ZBTB7A: variants seen among roughly 807,000 people sequenced by gnomAD.
The protein encoded by ZBTB7A is zinc finger and BTB domain-containing protein 7A.
Under a neutral mutation model 26.7 loss-of-function variants are expected in ZBTB7A, and 7 were observed. That is an observed-to-expected ratio of 0.26 (90% CI 0.15 to 0.49). ZBTB7A has a LOEUF of 0.49. Among genes scored for constraint, ZBTB7A ranks in the 20% least tolerant of loss-of-function variants. ZBTB7A has a pLI of 0.98. For synonymous variants in ZBTB7A, 452 were observed against 441.0 expected, an observed-to-expected ratio of 1.02 and a Z score of -0.31; for missense variants, 617 against 919.5, an observed-to-expected ratio of 0.67 and a Z score of 4.25.
chr19:4,059,886 A>G (rs916382431), intron 1 of ZBTB7A, among the ~76,000 whole-genome samples: 7 of 152,138 alleles, frequency 4.6e-5, no homozygotes, highest in African/African-American at 1.7e-4. Context: ...AGTCTTGGCA[A>G]TAAAAAGTCC....
At position 4,044,498 on chromosome 19, in the gene ZBTB7A, G is replaced by C. The variant is rs911905087; in HGVS notation, c.*3254C>G. ...TCTCTCTCCTGGGCCCGGCAGGCTGGGGGGCACTGCAGACGGGGGCTCCGG... is the reference window on the plus strand; with the variant it reads ...TCTCTCTCCTGGGCCCGGCAGGCTGCGGGGCACTGCAGACGGGGGCTCCGG... On this transcript the variant is annotated 3_prime_UTR_variant, in exon 3 of 3. Transcript: ENST00000322357. The C allele has an allele frequency of 9.9e-5, 15 of 151,258 alleles. No homozygotes were observed. The East Asian group carries it at 1.9e-3, about 20-fold the overall frequency. 9.4% of individuals were successfully genotyped at this position (151,258 alleles called of 1,614,324 possible). A position where few individuals can be genotyped will look rare whatever the true frequency, so the allele number is the denominator to read the frequency against.
intron 1 of ZBTB7A, chr19:4,061,500 C>T (rs1246867612): frequency 3.3e-5 from 5 of 152,230 alleles, no homozygotes; most frequent in Non-Finnish European, 5.9e-5. Flanking sequence ...TGCAGTGTCC[C>T]GATCGGGGGG....
chr19:4,063,718 A>G (rs2040662582), intron 1 of ZBTB7A, among the ~76,000 whole-genome samples: 1 of 152,196 alleles, frequency 6.6e-6, no homozygotes, highest in African/African-American at 2.4e-5. Context: ...GGGCCACCAC[A>G]CAGTGGGAGG....
rs2040382034 is a variant in ZBTB7A at position 4,044,092 on chromosome 19, C to G, written c.*3660G>C. Among the ~76,000 whole-genome samples the G allele has an allele frequency of 2.0e-5, 3 of 152,060 alleles. No homozygotes were observed. The South Asian group carries it at 6.2e-4, about 32-fold the overall frequency. ...TGTCACCACCTGTGAGGTGACCGCT[C>G]CTGCCACGGCCCCGGGGTCTGAATC... On this transcript the variant is annotated 3_prime_UTR_variant, in exon 3 of 3. Coordinates refer to ENST00000322357, the MANE Select transcript of ZBTB7A (RefSeq NM_015898.4).
At position 4,054,655 on chromosome 19, in the gene ZBTB7A, T is replaced by C; in HGVS notation, c.578A>G (p.Asp193Gly). ...GGCCTCCTTGGTGGCATCCAGGTCA[T>C]CATCGGACGCCCCAAAGGCGGACCA... The part of the protein sequence containing the change: ...FPWSAFGASD[D>G]DLDATKEAVA... Residue 193 changes from aspartate (D) to glycine (G), a missense_variant, in exon 2 of 3, where the codon GAT becomes GGT. Around this residue, in one of 5 missense-constraint regions of ZBTB7A, gnomAD observed 331 missense variants for 391.3 expected, o/e 0.85. Coordinates refer to ENST00000322357, the MANE Select transcript of ZBTB7A (RefSeq NM_015898.4). 4.4e-6 allele frequency: 7 copies of C among 1,598,122 alleles called. No homozygotes were observed. The highest frequency in any genetic ancestry group is 6.0e-6 in the Non-Finnish European group (7 of 1,173,288).
intron 1 of ZBTB7A, among the ~76,000 whole-genome samples, chr19:4,060,194 C>T (rs563131115): frequency 6.6e-6 from 1 of 152,154 alleles, no homozygotes; most frequent in Non-Finnish European, 1.5e-5. Flanking sequence ...TCCCCCCGGG[C>T]CACTCCCAGG....
chr19:4,046,061 T>G lies in ZBTB7A; in HGVS notation c.*1691A>C, dbSNP rs992556288. The G allele has an allele frequency of 9.8e-5, 39 of 398,562 alleles. No homozygotes were observed. The highest frequency in any genetic ancestry group is 1.7e-4 in the Non-Finnish European group (38 of 226,096). The allele number at this position is 398,562 out of a possible 1,614,324, so 24.7% of individuals were successfully genotyped here. A position where few individuals can be genotyped will look rare whatever the true frequency, so the allele number is the denominator to read the frequency against. ...GGGTGCCGGATGGGGATCGGGGTGC[T>G]CCGGCTGGAAGGCCCATCCCTGAGC... On this transcript the variant is annotated 3_prime_UTR_variant, in exon 3 of 3. Coordinates refer to ENST00000322357, the MANE Select transcript of ZBTB7A (RefSeq NM_015898.4).
intron 1 of ZBTB7A, among the ~76,000 whole-genome samples, chr19:4,066,167 C>T (rs2040694252): frequency 9.3e-6 from 1 of 107,796 alleles, no homozygotes; most frequent in Non-Finnish European, 1.9e-5. Context: ...CCCCTCCTTT[C>T]CGAAGCCCCC....
At chr19:4,055,364 A>G in intron 1 of ZBTB7A, 117 bp from the exon 2 acceptor site, 1 of 1,398,438 alleles carries the variant, frequency 7.2e-7, no homozygotes, top group Non-Finnish European at 9.2e-7. Flanking sequence ...CCCCAGCCTC[A>G]CATTCCCACC....
At chr19:4,057,167 G>A (rs1487630308) in intron 1 of ZBTB7A, among the ~76,000 whole-genome samples, 2 of 149,806 alleles carry the variant, frequency 1.3e-5, no homozygotes, top group Non-Finnish European at 3.0e-5. Flanking sequence ...TGACCAACAT[G>A]GTGAAATCTC....
chr19:4,059,438 C>T (rs536831421), intron 1 of ZBTB7A, among the ~76,000 whole-genome samples: 7 of 152,282 alleles, frequency 4.6e-5, no homozygotes, highest in African/African-American at 1.7e-4. Flanking sequence ...CCCCTGTTCC[C>T]CCCTAAATAT....
In ZBTB7A at chr19:4,052,230, G is replaced by A. The variant is rs1373856851; in HGVS notation, c.1262+1741C>T. 6.6e-6 allele frequency among the ~76,000 whole-genome samples: 1 copy of A among 152,148 alleles called. No individual in the cohort carries two copies. Among genetic ancestry groups the A allele is most frequent in the Admixed American group, 6.5e-5 (1 of 15,276 alleles). ...CTGCGGCCAGGGAGGCAGGGTGGGG[G>A]TCACCACCTTCGCTCAGCCTGGTCC... On this transcript the variant is annotated intron_variant, in intron 2 of 2. Coordinates refer to ENST00000322357, the MANE Select transcript of ZBTB7A (RefSeq NM_015898.4). The surrounding 1 kb of genome is among the most constrained non-coding windows in gnomAD (Gnocchi z 4.9).
intron 1 of ZBTB7A, among the ~76,000 whole-genome samples, chr19:4,059,168 G>C (rs1277601757): frequency 6.6e-6 from 1 of 152,198 alleles, no homozygotes; most frequent in Non-Finnish European, 1.5e-5. Context: ...CCCAGCATGG[G>C]GGGAGACCTC....
intron 1 of ZBTB7A, among the ~76,000 whole-genome samples, chr19:4,064,180 G>C (rs1283082791): frequency 6.6e-6 from 1 of 152,218 alleles, no homozygotes; most frequent in East Asian, 1.9e-4. Flanking sequence ...CTGCCCGCCC[G>C]GGCCCAGGTG....
Position 4,054,238 on chromosome 19 carries a change from G to C in ZBTB7A, c.995C>G (p.Ala332Gly). 1 of 1,579,686 alleles carries C rather than the reference G, an allele frequency of 6.3e-7. No individual in the cohort carries two copies. Among genetic ancestry groups the C allele is most frequent in the Non-Finnish European group, 8.5e-7 (1 of 1,169,864 alleles). Residue 332 changes from alanine (A) to glycine (G), a missense_variant, in exon 2 of 3, where the codon GCC (alanine) becomes GGC (glycine). Transcript: ENST00000322357. Reference sequence around the variant, plus strand: ...CTCCTCGTCGCTGTCCCCCGCCGCGGCCCCCGCCCGGCCCACCGATGACAT... The same window carrying C: ...CTCCTCGTCGCTGTCCCCCGCCGCGCCCCCCGCCCGGCCCACCGATGACAT... ...QMMSSVGRAGAAAGDSDEESR... is the reference protein window; with the variant it reads ...QMMSSVGRAGGAAGDSDEESR...
chr19:4,064,582 G>T (rs2040672225), intron 1 of ZBTB7A, among the ~76,000 whole-genome samples: 1 of 152,242 alleles, frequency 6.6e-6, no homozygotes. Flanking sequence ...GGCCGGTGGT[G>T]GGGAGGCACC....
chr19:4,050,205 G>A (rs947930251), intron 2 of ZBTB7A, among the ~76,000 whole-genome samples: 2 of 151,922 alleles, frequency 1.3e-5, no homozygotes, highest in African/African-American at 2.4e-5. Flanking sequence ...GATTACAGGC[G>A]TGCGCCACCA....
chr19:4,063,908 C>T (rs1427735470), intron 1 of ZBTB7A, among the ~76,000 whole-genome samples: 1 of 152,216 alleles, frequency 6.6e-6, no homozygotes, highest in Non-Finnish European at 1.5e-5. Flanking sequence ...TTTGACCTCC[C>T]CTCCCGGCCT....
rs561083880 is a variant in ZBTB7A, at chr19:4,049,588, A to G, written c.1263-1344T>C. Among the ~76,000 whole-genome samples the G allele has an allele frequency of 2.6e-5, 4 of 152,068 alleles. No individual in the cohort carries two copies. The South Asian group carries it at 8.3e-4, about 32-fold the overall frequency. ...TGTTTGGTGACAGATAGGGTGACCA[A>G]CTGTTCTGGTTTTAGCACTGAAAGT... is the stretch of plus-strand genomic sequence containing the variant. On this transcript the variant is annotated intron_variant, in intron 2 of 2. Transcript: ENST00000322357.
Sources: allele counts gnomAD v4.1 joint callset (sites outside exome capture counted in the v4.1 genomes callset), GRCh38; gene constraint gnomAD v4.1.1; regional missense constraint gnomAD v4.1.1; non-coding constraint Gnocchi (gnomAD v3.1); transcripts MANE v1.5; gene names NCBI Gene and HGNC (gene_info 2026-07-23, HGNC 2026-07-21).